Variants in CDC42BPB observed in about 807,000 individuals in gnomAD.
CDC42BPB encodes the protein serine/threonine-protein kinase MRCK beta.
In CDC42BPB, 37 loss-of-function variants were observed where a neutral mutation model predicts 214.9. The ratio of observed to expected loss-of-function variants is 0.17; its 90% CI spans 0.13 to 0.23. The LOEUF (loss-of-function observed/expected upper bound fraction) is 0.23, where lower values mean the gene tolerates loss of function less well. CDC42BPB is among the 10% of genes least tolerant of loss of function. The pLI is 1.00. For synonymous variants in CDC42BPB, 931 were observed against 884.0 expected, an observed-to-expected ratio of 1.05 and a Z score of -0.94; for missense variants, 1,694 against 2,227.0, an observed-to-expected ratio of 0.76 and a Z score of 4.82.
chr14:103,043,466 A>G (rs1426061269), intron 1 of CDC42BPB, among the ~76,000 whole-genome samples: 1 of 152,112 alleles, frequency 6.6e-6, no homozygotes. Context: ...AATACCCAGA[A>G]CAGGCAGATA....
intron 1 of CDC42BPB, among the ~76,000 whole-genome samples, chr14:103,045,929 C>T (rs1009453682): frequency 2.0e-5 from 3 of 152,120 alleles, no homozygotes; most frequent in African/African-American, 7.2e-5. Flanking sequence ...AAGTGTACGA[C>T]AAGGGATGAC....
intron 1 of CDC42BPB, 69 bp from the exon 2 acceptor site, chr14:103,012,257 T>C: frequency 6.7e-7 from 1 of 1,498,736 alleles, no homozygotes; most frequent in Non-Finnish European, 9.1e-7. Context: ...TTTAATTGAG[T>C]GGGGTGTTGC....
chr14:102,973,076 T>C (rs1034854697), intron 12 of CDC42BPB, among the ~76,000 whole-genome samples: 24 of 152,300 alleles, frequency 1.6e-4, no homozygotes, highest in Middle Eastern at 3.4e-3. Context: ...GTTCAGTCAC[T>C]GTCACACCTG....
intron 1 of CDC42BPB, among the ~76,000 whole-genome samples, chr14:103,017,425 C>T (rs1489381013): frequency 2.0e-5 from 3 of 152,014 alleles, no homozygotes; most frequent in African/African-American, 7.2e-5. Flanking sequence ...TTTCAAAGTA[C>T]ATCCAAACAA....
At position 102,950,453 on chromosome 14, in the gene CDC42BPB, TGAA is replaced by T. The variant is rs1892435901; in HGVS notation, c.3309+10_3309+12del. On this transcript the variant is annotated intron_variant, in intron 25 of 36. Transcript: ENST00000361246. ...AGGCACCGAGGGCTGAGGGCGGAGA[TGAA>T]GCCGCCTACCTTGACATGGCCTTTG... 6.2e-7 allele frequency: 1 copy of T among 1,612,270 alleles called. No individual in the cohort carries two copies. The highest frequency in any genetic ancestry group is 1.7e-5 in the Admixed American group (1 of 59,958).
chr14:102,980,730 G>C, intron 8 of CDC42BPB, 43 bp downstream of exon 8: 3 of 1,599,520 alleles, frequency 1.9e-6, no homozygotes, highest in Non-Finnish European at 2.6e-6. Context: ...CTGCATGTCA[G>C]ACCCACAGCC....
intron 1 of CDC42BPB, among the ~76,000 whole-genome samples, chr14:103,029,763 G>A (rs1230945687): frequency 2.0e-5 from 3 of 148,606 alleles, no homozygotes; most frequent in Non-Finnish European, 4.4e-5. Flanking sequence ...GGAGGCTGAC[G>A]CAGGAGAATT....
intron 9 of CDC42BPB, among the ~76,000 whole-genome samples, chr14:102,977,572 T>A (rs1180110875): frequency 6.6e-6 from 1 of 152,212 alleles, no homozygotes; most frequent in Non-Finnish European, 1.5e-5. Flanking sequence ...GAGGCCCATT[T>A]GGGACAGGGG....
chr14:102,975,850 C>T, intron 10 of CDC42BPB, 33 bp downstream of exon 10: 1 of 1,613,890 alleles, frequency 6.2e-7, no homozygotes, highest in Non-Finnish European at 8.5e-7. Flanking sequence ...CCGCAGCGCC[C>T]CCGCCTGGCC....
intron 1 of CDC42BPB, among the ~76,000 whole-genome samples, chr14:103,037,296 CTTTTCT>C (rs1211204798): frequency 6.6e-6 from 1 of 151,886 alleles, no homozygotes; most frequent in Non-Finnish European, 1.5e-5. Context: ...CATGAGCACG[CTTTTCT>C]TTTTCTTTTT....
rs2139365938 is a variant in CDC42BPB, at chr14:102,944,804, C to T, written c.3812-317G>A. On this transcript the variant is annotated intron_variant, in intron 29 of 36. Transcript: ENST00000361246. The surrounding 1 kb of genome is among the most constrained non-coding windows in gnomAD (Gnocchi z 6.6). The stretch of plus-strand genomic sequence containing the variant: ...GGCTCCAGCTGGGCAGCGCTTCCAC[C>T]TGGGTCCTCGCGCAGCAAGGCCCTG... 1 of 391,326 alleles carries T rather than the reference C, an allele frequency of 2.6e-6. No individual in the cohort carries two copies. The highest frequency in any genetic ancestry group is 1.0e-4 in the South Asian group (1 of 9,676). 24.2% of individuals were successfully genotyped at this position (391,326 alleles called of 1,614,324 possible).
intron 24 of CDC42BPB, 31 bp from the exon 25 acceptor site, chr14:102,950,633 G>A (rs1325184890): frequency 2.0e-6 from 3 of 1,522,498 alleles, no homozygotes; most frequent in South Asian, 2.6e-5. Flanking sequence ...TGCCTTCAAA[G>A]CTTGCTGCCT....
intron 2 of CDC42BPB, among the ~76,000 whole-genome samples, chr14:103,010,593 T>C (rs1886098950): frequency 6.6e-6 from 1 of 152,218 alleles, no homozygotes; most frequent in Admixed American, 6.5e-5. Context: ...AGGTTTGCTG[T>C]GGGCAGAGCA....
At chr14:102,987,716 A>G (rs12323545) in intron 5 of CDC42BPB, among the ~76,000 whole-genome samples, 17,592 of 151,996 alleles carry the variant, frequency 0.12, 1,893 homozygotes, top group African/African-American at 0.28. Context: ...ACTCCAAACT[A>G]AAATAAAATA....
rs777205662 is a variant in CDC42BPB, at chr14:102,944,251, G to A, written c.4048C>T (p.Arg1350Trp). 12 of 1,613,128 alleles carry A rather than the reference G, an allele frequency of 7.4e-6. No homozygotes were observed. The highest frequency in any genetic ancestry group is 1.3e-5 in the African/African-American group (1 of 74,932). ...SGTCLFVAVK[R>W]LILCYEIQRT... is the part of the protein sequence containing the mutation. ...TGGATCTCATAGCAAAGGATCAGCC[G>A]TTTCACGGCCACAAACAGGCAGGTG... The change falls in exon 30 of 37, where the codon CGG (arginine) becomes TGG (tryptophan). Residue 1350 changes from arginine to tryptophan, a missense_variant. Physicochemically the swap from Arg to Trp is moderately radical, Grantham distance 101. Transcript: ENST00000361246. The surrounding 1 kb of genome is among the most constrained non-coding windows in gnomAD (Gnocchi z 6.6).
At chr14:102,995,165 T>TTC (rs202035836) in intron 5 of CDC42BPB, among the ~76,000 whole-genome samples, 29 of 151,070 alleles carry the variant, frequency 1.9e-4, no homozygotes, top group African/African-American at 4.4e-4. Context: ...GGATGTGATG[T>TTC]TCTCTCTCTC....
intron 1 of CDC42BPB, among the ~76,000 whole-genome samples, chr14:103,018,702 G>A (rs895260652): frequency 3.3e-5 from 5 of 152,164 alleles, no homozygotes; most frequent in Non-Finnish European, 4.4e-5. Flanking sequence ...CTGGGGCAAC[G>A]GAATCCAATT....
intron 4 of CDC42BPB, among the ~76,000 whole-genome samples, chr14:103,003,594 C>T (rs896478784): frequency 6.6e-6 from 1 of 152,238 alleles, no homozygotes; most frequent in East Asian, 1.9e-4. Flanking sequence ...AAAACATCCA[C>T]GTGGCTTAAT....
intron 30 of CDC42BPB, among the ~76,000 whole-genome samples, chr14:102,942,258 G>A (rs961649354): frequency 9.9e-5 from 15 of 152,190 alleles, no homozygotes; most frequent in South Asian, 2.1e-4. Context: ...TGTGGCCATC[G>A]GGATGGAGCC....
Sources: gnomAD v4.1 joint callset for allele counts (sites outside exome capture counted in the v4.1 genomes callset) on GRCh38, gnomAD v4.1.1 for gene constraint, Gnocchi (gnomAD v3.1) non-coding constraint, MANE v1.5 for transcripts, NCBI Gene and HGNC (gene_info 2026-07-23, HGNC 2026-07-21) for gene names.